Variants in IL1RAPL2 observed in about 807,000 individuals in gnomAD.
IL1RAPL2 encodes X-linked interleukin-1 receptor accessory protein-like 2.
A neutral mutation model predicts 44.1 loss-of-function variants in IL1RAPL2; 3 were observed. The observed-to-expected ratio is 0.07, with a 90% CI of 0.03 to 0.18. The LOEUF (loss-of-function observed/expected upper bound fraction) is 0.18, where lower values mean the gene tolerates loss of function less well. Ranked by LOEUF, IL1RAPL2 falls within the 10% of genes least tolerant of loss-of-function variation. The pLI, the probability that IL1RAPL2 is intolerant of heterozygous loss-of-function variation, is 1.00. For synonymous variants in IL1RAPL2, 181 were observed against 178.8 expected, an observed-to-expected ratio of 1.01 and a Z score of -0.10; for missense variants, 391 against 496.4, an observed-to-expected ratio of 0.79 and a Z score of 2.02.
intron 2 of IL1RAPL2, among the ~76,000 whole-genome samples, chrX:104,881,836 T>C (rs1362067772): frequency 8.9e-6 from 1 of 112,021 alleles, no homozygotes; most frequent in Non-Finnish European, 1.9e-5. Context: ...GCTTGTAATA[T>C]AGACAAGAGA....
intron 2 of IL1RAPL2, among the ~76,000 whole-genome samples, chrX:104,895,373 G>T (rs908820162): frequency 8.9e-6 from 1 of 112,726 alleles, no homozygotes; most frequent in African/African-American, 3.2e-5. Flanking sequence ...GCTATGCCCT[G>T]CCCCCAGAAG....
At chrX:105,167,105 C>T (rs2033377349) in intron 2 of IL1RAPL2, among the ~76,000 whole-genome samples, 1 of 112,114 alleles carries the variant, frequency 8.9e-6, no homozygotes, top group Admixed American at 9.5e-5. Context: ...ATTAATGGTC[C>T]AACTTCTCTC....
chrX:104,807,040 A>C (rs1259129220), intron 2 of IL1RAPL2, among the ~76,000 whole-genome samples: 1 of 110,751 alleles, frequency 9.0e-6, no homozygotes, highest in Admixed American at 9.6e-5. Flanking sequence ...TAGAAACTAG[A>C]GGGATGGTAT....
intron 3 of IL1RAPL2, among the ~76,000 whole-genome samples, chrX:105,197,136 T>C (rs782743393): frequency 1.6e-3 from 177 of 111,279 alleles, no homozygotes; most frequent in Non-Finnish European, 2.9e-3. Flanking sequence ...CTGTTTGTGG[T>C]AGGCAAGATC....
At chrX:105,220,364 A>T (rs782471679) in intron 3 of IL1RAPL2, 2 of 1,195,725 alleles carry the variant, frequency 1.7e-6, no homozygotes, top group East Asian at 6.0e-5. Flanking sequence ...CTATGCCGGA[A>T]CCCGCTACTG....
intron 1 of IL1RAPL2, among the ~76,000 whole-genome samples, chrX:104,601,638 G>C (rs1928885082): frequency 8.9e-6 from 1 of 111,797 alleles, no homozygotes; most frequent in South Asian, 3.8e-4. Flanking sequence ...CCAGTAGTAT[G>C]TAAGGGTTCC....
At chrX:105,726,745 A>AT (rs2038355333) in intron 7 of IL1RAPL2, among the ~76,000 whole-genome samples, 1 of 109,935 alleles carries the variant, frequency 9.1e-6, no homozygotes, top group South Asian at 3.9e-4. Flanking sequence ...GTTAACCCCC[A>AT]TTTTTTCCAA....
At chrX:104,761,441 A>T (rs1408452490) in intron 2 of IL1RAPL2, among the ~76,000 whole-genome samples, 1 of 110,748 alleles carries the variant, frequency 9.0e-6, no homozygotes, top group Non-Finnish European at 1.9e-5. Context: ...ATTATGGGAG[A>T]TAAAATTCAA....
At chrX:104,737,235 T>C (rs1360725663) in intron 2 of IL1RAPL2, among the ~76,000 whole-genome samples, 2 of 112,378 alleles carry the variant, frequency 1.8e-5, no homozygotes, top group Non-Finnish European at 3.8e-5. Flanking sequence ...AAGAGCATTC[T>C]AACAACAATA....
intron 2 of IL1RAPL2, among the ~76,000 whole-genome samples, chrX:104,946,011 G>A (rs181864800): frequency 5.7e-4 from 63 of 110,325 alleles, no homozygotes; most frequent in African/African-American, 2.0e-3. Flanking sequence ...TCATAAGATG[G>A]ATGGTGATTT....
intron 2 of IL1RAPL2, among the ~76,000 whole-genome samples, chrX:105,107,895 C>T (rs188155824): frequency 5.3e-3 from 593 of 111,233 alleles, no homozygotes; most frequent in Middle Eastern, 0.014. Flanking sequence ...CATAGTTGGC[C>T]ACTCTGTCTT....
At chrX:104,667,803 C>A (rs762588165) in intron 2 of IL1RAPL2, among the ~76,000 whole-genome samples, 1 of 111,829 alleles carries the variant, frequency 8.9e-6, no homozygotes, top group African/African-American at 3.2e-5. Context: ...GCTCTTTCCA[C>A]AACACCATGG....
At chrX:105,384,266 T>G (rs1321631612) in intron 5 of IL1RAPL2, among the ~76,000 whole-genome samples, 2 of 111,619 alleles carry the variant, frequency 1.8e-5, no homozygotes, top group African/African-American at 3.3e-5. Context: ...CTTTAATTTG[T>G]TTTTGATTTG....
chrX:105,314,123 A>C (rs1180818755), intron 5 of IL1RAPL2, among the ~76,000 whole-genome samples: 1 of 111,715 alleles, frequency 9.0e-6, no homozygotes, highest in Non-Finnish European at 1.9e-5. Context: ...TTTCAGTTTA[A>C]AAGCCTTCAG....
intron 6 of IL1RAPL2, among the ~76,000 whole-genome samples, chrX:105,696,362 G>C (rs967259986): frequency 1.8e-5 from 2 of 111,445 alleles, no homozygotes; most frequent in Non-Finnish European, 3.8e-5. Context: ...GATGGTTAGC[G>C]ATCATTCCAG....
chrX:104,615,225 A>G, intron 1 of IL1RAPL2, among the ~76,000 whole-genome samples: 1 of 111,424 alleles, frequency 9.0e-6, no homozygotes, highest in Non-Finnish European at 1.9e-5. Flanking sequence ...AAATATTTTA[A>G]TTTTAATTTT....
intron 3 of IL1RAPL2, among the ~76,000 whole-genome samples, chrX:105,200,940 A>C (rs1049653710): frequency 9.2e-6 from 1 of 108,820 alleles, no homozygotes; most frequent in Non-Finnish European, 1.9e-5. Flanking sequence ...CACACACACA[A>C]AATTAAATAT....
chrX:105,617,743 T>C (rs1370961452), intron 6 of IL1RAPL2, among the ~76,000 whole-genome samples: 1 of 111,339 alleles, frequency 9.0e-6, no homozygotes, highest in Non-Finnish European at 1.9e-5. Flanking sequence ...CTTTGAAGCT[T>C]AGTTACCATT....
intron 4 of IL1RAPL2, among the ~76,000 whole-genome samples, chrX:105,254,558 T>G (rs1422469385): frequency 8.9e-6 from 1 of 112,338 alleles, no homozygotes; most frequent in Non-Finnish European, 1.9e-5. Context: ...TTAAGTTTAA[T>G]TAGACCCTAC....
Sources: allele counts gnomAD v4.1 joint callset (sites outside exome capture counted in the v4.1 genomes callset), GRCh38; gene constraint gnomAD v4.1.1; transcripts MANE v1.5; gene names NCBI Gene and HGNC (gene_info 2026-07-23, HGNC 2026-07-21).